NCEH1: variants seen among roughly 807,000 people sequenced by gnomAD.
NCEH1 encodes the protein 2-acetyl MAGE hydrolase.
In NCEH1, 9 loss-of-function variants were observed where a neutral mutation model predicts 25.4. The observed-to-expected ratio is 0.35, with a 90% confidence interval of 0.21 to 0.62. The LOEUF (loss-of-function observed/expected upper bound fraction) is 0.62, where lower values mean the gene tolerates loss of function less well. Ranked by LOEUF, NCEH1 falls within the 20% of genes least tolerant of loss-of-function variation. The probability of loss-of-function intolerance (pLI) is 0.72; values close to 1 mark genes in which losing one functional copy is unlikely to be tolerated. For missense variants in NCEH1, 412 were observed against 501.1 expected, an observed-to-expected ratio of 0.82 and a Z score of 1.70; for synonymous variants, 200 against 199.8, an observed-to-expected ratio of 1.00 and a Z score of -0.01.
intron 1 of NCEH1, among the ~76,000 whole-genome samples, chr3:172,688,317 C>T (rs919343992): frequency 9.4e-4 from 94 of 100,238 alleles, no homozygotes; most frequent in Admixed American, 4.5e-3. Flanking sequence ...GCAACAAGAG[C>T]GAAACTCCAC....
At chr3:172,696,080 T>C (rs184451917) in intron 1 of NCEH1, among the ~76,000 whole-genome samples, 2 of 152,230 alleles carry the variant, frequency 1.3e-5, no homozygotes, top group Admixed American at 1.3e-4. Context: ...TAGGAAGAGG[T>C]TTTGAGTTCT....
chr3:172,650,365 C>T (rs1198828198), intron 1 of NCEH1, among the ~76,000 whole-genome samples: 1 of 151,638 alleles, frequency 6.6e-6, no homozygotes, highest in African/African-American at 2.4e-5. Flanking sequence ...TAGCTGGGAC[C>T]GGGTGCGGTG....
At chr3:172,688,091 T>C (rs1428802113) in intron 1 of NCEH1, among the ~76,000 whole-genome samples, 2 of 151,716 alleles carry the variant, frequency 1.3e-5, no homozygotes, top group African/African-American at 2.4e-5. Flanking sequence ...ACCCAGCACC[T>C]TGGGAGGCTG....
At chr3:172,648,457 T>C (rs1332958950) in intron 1 of NCEH1, among the ~76,000 whole-genome samples, 4 of 152,112 alleles carry the variant, frequency 2.6e-5, no homozygotes. Flanking sequence ...TCTAAATAAG[T>C]ATATCACAGT....
intron 1 of NCEH1, among the ~76,000 whole-genome samples, chr3:172,699,346 C>A (rs190152991): frequency 4.3e-4 from 65 of 152,172 alleles, no homozygotes; most frequent in Non-Finnish European, 8.5e-4. Context: ...TAGCAAGCAC[C>A]AAGTGCCAGC....
intron 1 of NCEH1, among the ~76,000 whole-genome samples, chr3:172,665,874 C>G (rs1005868057): frequency 3.9e-5 from 6 of 152,214 alleles, no homozygotes; most frequent in African/African-American, 1.4e-4. Flanking sequence ...TCCCGATTTT[C>G]CAGGTACCAT....
At chr3:172,648,168 C>T in intron 1 of NCEH1, 54 bp from the exon 2 acceptor site, 1 of 1,599,574 alleles carries the variant, frequency 6.3e-7, no homozygotes, top group East Asian at 2.2e-5. Context: ...CTTGGCATCA[C>T]CAGAGCTGCC....
chr3:172,636,528 T>C (rs1421571460), intron 3 of NCEH1, among the ~76,000 whole-genome samples: 1 of 152,222 alleles, frequency 6.6e-6, no homozygotes, highest in Non-Finnish European at 1.5e-5. Context: ...GATCTCACAT[T>C]TAATGAGTCC....
intron 1 of NCEH1, among the ~76,000 whole-genome samples, chr3:172,689,251 CT>C (rs34888694): frequency 2.9e-3 from 234 of 80,938 alleles, no homozygotes; most frequent in Non-Finnish European, 4.2e-3. Context: ...CTTGGAGTAA[CT>C]TTTTTTTTTT....
chr3:172,701,215 T>C (rs530811488), intron 1 of NCEH1, among the ~76,000 whole-genome samples: 2 of 152,238 alleles, frequency 1.3e-5, no homozygotes, highest in Admixed American at 6.5e-5. Context: ...CAAAACAGGG[T>C]CCCAAACTCT....
Position 172,682,257 on chromosome 3 carries a change from T to C in NCEH1, c.138+28590A>G, listed in dbSNP as rs528033225. On this transcript the variant is annotated intron_variant, in intron 1 of 4. Coordinates refer to ENST00000475381, the MANE Select transcript of NCEH1 (RefSeq NM_020792.6). ...CCATCTTGGATGCTCATCTGTCATG[T>C]TGACTTATGATTAACCCTAGCCCTG... Among the ~76,000 whole-genome samples, 6 of 152,320 alleles carry C rather than the reference T, an allele frequency of 3.9e-5. No individual in the cohort carries two copies. In the South Asian group the frequency reaches 1.0e-3, roughly 26 times the overall value.
rs548197213 is a variant in NCEH1 at position 172,672,502 on chromosome 3, A to C, written c.139-24388T>G. Among the ~76,000 whole-genome samples, 6 of 152,320 alleles carry C rather than the reference A, an allele frequency of 3.9e-5. 1 individual carries two copies. The East Asian group carries it at 1.2e-3, about 29-fold the overall frequency. On this transcript the variant is annotated intron_variant, in intron 1 of 4. Transcript: ENST00000475381. ...CCTTTATAGAAAGGCTGATAGAGGC[A>C]CTAATAGAACACTCTTCCTTTTATC...
chr3:172,646,777 T>C (rs1380272113), intron 2 of NCEH1, among the ~76,000 whole-genome samples: 1 of 152,216 alleles, frequency 6.6e-6, no homozygotes, highest in Non-Finnish European at 1.5e-5. Context: ...CTGGCACCCA[T>C]ACTTGCTGTC....
At chr3:172,701,466 T>TTTTTTTTTTA (rs1159407444) in intron 1 of NCEH1, among the ~76,000 whole-genome samples, 3 of 143,666 alleles carry the variant, frequency 2.1e-5, no homozygotes, top group Non-Finnish European at 3.0e-5. Context: ...TTTTTTTTTT[T>TTTTTTTTTTA]AAAGACGGAG....
rs535949075 is a variant in NCEH1, at chr3:172,697,355, A to G, written c.138+13492T>C. ...GTAAAATAAAACTTAAGCTTAACCTATCAGAAACCACTAACTAACCTCTAG... is the reference window on the plus strand; with the variant it reads ...GTAAAATAAAACTTAAGCTTAACCTGTCAGAAACCACTAACTAACCTCTAG... On this transcript the variant is annotated intron_variant, in intron 1 of 4. Coordinates refer to ENST00000475381, the MANE Select transcript of NCEH1 (RefSeq NM_020792.6). 9.2e-5 allele frequency among the ~76,000 whole-genome samples: 14 copies of G among 152,304 alleles called. No individual in the cohort carries two copies. In the South Asian group the frequency reaches 2.9e-3, roughly 32 times the overall value.
intron 1 of NCEH1, among the ~76,000 whole-genome samples, chr3:172,653,118 G>A (rs1293886852): frequency 1.3e-5 from 2 of 152,108 alleles, no homozygotes; most frequent in Non-Finnish European, 2.9e-5. Context: ...GTAAGCTAGG[G>A]CAGTGCTAGA....
chr3:172,693,349 C>T (rs1208835606), intron 1 of NCEH1, among the ~76,000 whole-genome samples: 2 of 151,742 alleles, frequency 1.3e-5, no homozygotes, highest in African/African-American at 4.8e-5. Flanking sequence ...ACCGTGTGCA[C>T]ACAAAGCCAC....
chr3:172,645,166 T>C (rs1011322795), intron 3 of NCEH1, among the ~76,000 whole-genome samples: 6 of 152,112 alleles, frequency 3.9e-5, no homozygotes, highest in Non-Finnish European at 7.3e-5. Context: ...AAAATATTAA[T>C]ATTACTACTA....
At chr3:172,708,432 C>T (rs923603716) in intron 1 of NCEH1, among the ~76,000 whole-genome samples, 5 of 152,140 alleles carry the variant, frequency 3.3e-5, no homozygotes, top group African/African-American at 7.2e-5. Context: ...CTCGACTCAA[C>T]GCAACCTCCG....
Sources: gnomAD v4.1 joint callset for allele counts (sites outside exome capture counted in the v4.1 genomes callset) on GRCh38, gnomAD v4.1.1 for gene constraint, MANE v1.5 for transcripts, NCBI Gene and HGNC (gene_info 2026-07-23, HGNC 2026-07-21) for gene names.